The following CMYA5 variants were observed in gnomAD, a reference collection of about 807,000 sequenced individuals.
CMYA5 encodes the protein cardiomyopathy associated 5.
CMYA5 carries 246 observed loss-of-function variants against 318.9 expected under a neutral mutation model. That is an observed-to-expected ratio of 0.77 (90% CI 0.70 to 0.86). The LOEUF (loss-of-function observed/expected upper bound fraction) is 0.86. CMYA5 is among the 40% of genes least tolerant of loss of function. The probability of loss-of-function intolerance (pLI) is 0.00; values close to 1 mark genes in which losing one functional copy is unlikely to be tolerated. For missense variants in CMYA5, 4,589 were observed against 4,678.2 expected, an observed-to-expected ratio of 0.98 and a Z score of 0.56; for synonymous variants, 1,641 against 1,729.5, an observed-to-expected ratio of 0.95 and a Z score of 1.27.
chr5:79,709,960 CAA>C (rs61657639), intron 1 of CMYA5, among the ~76,000 whole-genome samples: 3 of 24,320 alleles, frequency 1.2e-4, no homozygotes, highest in East Asian at 1.9e-3. Flanking sequence ...GACTCCATCT[CAA>C]AAAAAAAAAA....
chr5:79,711,061 G>A (rs987922366), intron 1 of CMYA5, among the ~76,000 whole-genome samples: 1 of 152,172 alleles, frequency 6.6e-6, no homozygotes, highest in African/African-American at 2.4e-5. Flanking sequence ...TTACAAGTCA[G>A]AAATCAAAAG....
chr5:79,765,739 CT>C (rs1828738500), intron 9 of CMYA5, among the ~76,000 whole-genome samples: 1 of 152,074 alleles, frequency 6.6e-6, no homozygotes, highest in Non-Finnish European at 1.5e-5. Flanking sequence ...GTATTTAATT[CT>C]CTTTGTAGCA....
rs572127239 is a variant in CMYA5 at position 79,735,284 on chromosome 5, A to C, written c.6519A>C (p.Lys2173Asn). 1.5e-5 allele frequency: 25 copies of C among 1,613,854 alleles called. No individual in the cohort carries two copies. In the South Asian group the frequency reaches 1.8e-4, roughly 11 times the overall value. Residue 2173 changes from lysine to asparagine, a missense_variant, in exon 2 of 13, where the codon AAA becomes AAC. This residue lies in a region of CMYA5 where 2,431 missense variants were observed against 2,495.1 expected (regional missense o/e 0.97). Transcript: ENST00000446378. Reference protein sequence around the residue: ...KPDLPEEKGKKGISSFKSWMS... With the variant: ...KPDLPEEKGKNGISSFKSWMS... Reference sequence around the variant, plus strand: ...ACCTTCCTGAGGAAAAGGGAAAGAAAGGAATTTCATCTTTCAAATCGTGGA... The same window carrying C: ...ACCTTCCTGAGGAAAAGGGAAAGAACGGAATTTCATCTTTCAAATCGTGGA...
rs1465498720 is a variant in CMYA5, at chr5:79,729,510, C to A, written c.745C>A (p.Pro249Thr). Residue 249 changes from proline (P) to threonine (T), a missense_variant, in exon 2 of 13, where the codon CCA (proline) becomes ACA (threonine). Around this residue, in one of 3 missense-constraint regions of CMYA5, gnomAD observed 2,132 missense variants for 2,131.3 expected, o/e 1.00. Coordinates refer to ENST00000446378, the MANE Select transcript of CMYA5 (RefSeq NM_153610.5). The part of the protein sequence containing the change: ...LIPLQFYGTL[P>T]KGYVIKEIHY... ...TCCTCTACAATTTTATGGAACATTGCCAAAGGGTTATGTAATTAAAGAAAT... is the reference window on the plus strand; with the variant it reads ...TCCTCTACAATTTTATGGAACATTGACAAAGGGTTATGTAATTAAAGAAAT... 4.3e-6 allele frequency: 7 copies of A among 1,610,384 alleles called. No homozygotes were observed. Among genetic ancestry groups the A allele is most frequent in the Non-Finnish European group, 5.9e-6 (7 of 1,177,914 alleles).
chr5:79,789,288 G>T (rs116161122), intron 10 of CMYA5, among the ~76,000 whole-genome samples, 184 bp downstream of exon 10: 1,716 of 152,276 alleles, frequency 0.011, 32 homozygotes, highest in African/African-American at 0.037. Context: ...TGCTTTACAG[G>T]TTCTCAGCCT....
intron 9 of CMYA5, among the ~76,000 whole-genome samples, chr5:79,765,653 T>C (rs1374653166): frequency 6.6e-6 from 1 of 152,124 alleles, no homozygotes; most frequent in African/African-American, 2.4e-5. Context: ...TTTGTGTTCT[T>C]TCTTATTTCT....
chr5:79,709,516 T>C (rs551320431), intron 1 of CMYA5, among the ~76,000 whole-genome samples: 32 of 152,036 alleles, frequency 2.1e-4, no homozygotes, highest in Non-Finnish European at 3.8e-4. Context: ...ATTTTTATAG[T>C]AGTTCTAAGA....
At chr5:79,692,554 T>G (rs570737725) in intron 1 of CMYA5, among the ~76,000 whole-genome samples, 28 of 152,296 alleles carry the variant, frequency 1.8e-4, no homozygotes, top group Middle Eastern at 3.4e-3. Flanking sequence ...ACATGTAACA[T>G]CAAGAGGCCT....
chr5:79,752,887 T>C, intron 6 of CMYA5, 93 bp downstream of exon 6: 1 of 781,372 alleles, frequency 1.3e-6, no homozygotes, highest in South Asian at 1.7e-5. Flanking sequence ...AGATTTTGAG[T>C]GTAAAGACAT....
intron 6 of CMYA5, among the ~76,000 whole-genome samples, chr5:79,755,996 AG>A (rs1274195642): frequency 1.3e-5 from 2 of 152,216 alleles, no homozygotes; most frequent in African/African-American, 2.4e-5. Flanking sequence ...ATAGGATAAA[AG>A]GGGGAGCATT....
intron 3 of CMYA5, among the ~76,000 whole-genome samples, chr5:79,744,567 C>T (rs1443971349): frequency 6.6e-6 from 1 of 152,228 alleles, no homozygotes; most frequent in East Asian, 1.9e-4. Flanking sequence ...CTACTGGGGC[C>T]GCTCCACATG....
At chr5:79,742,912 G>T (rs1218036932) in intron 2 of CMYA5, among the ~76,000 whole-genome samples, 2 of 152,184 alleles carry the variant, frequency 1.3e-5, no homozygotes, top group Admixed American at 6.5e-5. Context: ...TGATGCTTGG[G>T]TGAGCTTTAA....
chr5:79,788,464 GA>G (rs1425573278), intron 9 of CMYA5, among the ~76,000 whole-genome samples: 1 of 118,350 alleles, frequency 8.4e-6, no homozygotes, highest in African/African-American at 3.8e-5. Flanking sequence ...GCAACTTTGA[GA>G]ATTTTTTTTT....
At chr5:79,776,063 A>G (rs1338565879) in intron 9 of CMYA5, among the ~76,000 whole-genome samples, 1 of 152,218 alleles carries the variant, frequency 6.6e-6, no homozygotes, top group African/African-American at 2.4e-5. Flanking sequence ...GGTTGTCAGG[A>G]TTCAGCCCCC....
Position 79,737,576 on chromosome 5 carries a change from A to G in CMYA5, c.8811A>G (p.Ser2937=), listed in dbSNP as rs752666765. The change falls in exon 2 of 13, where the codon TCA becomes TCG. Residue 2937 remains serine (S), a synonymous_variant. Transcript: ENST00000446378. ...FTVTSKPAGL[S]EDQKTAFSII... is the part of the protein sequence containing the mutation. The stretch of plus-strand genomic sequence containing the variant: ...TGACTAGTAAGCCAGCCGGACTTTC[A>G]GAAGATCAGAAGACTGCCTTTAGTA... 2.4e-5 allele frequency: 39 copies of G among 1,613,596 alleles called. No homozygotes were observed. The highest frequency in any genetic ancestry group is 3.1e-5 in the Non-Finnish European group (37 of 1,179,808).
intron 3 of CMYA5, 34 bp downstream of exon 3, chr5:79,743,956 C>A: frequency 1.8e-6 from 2 of 1,098,066 alleles, no homozygotes; most frequent in Non-Finnish European, 2.6e-6. Context: ...CTTAACCTGG[C>A]TTGTTCACAG....
Position 79,729,620 on chromosome 5 carries a change from C to A in CMYA5, c.855C>A (p.Arg285=). 1 of 1,613,778 alleles carries A rather than the reference C, an allele frequency of 6.2e-7. No homozygotes were observed. Among genetic ancestry groups the A allele is most frequent in the Non-Finnish European group, 8.5e-7 (1 of 1,179,790 alleles). Residue 285 remains arginine (R), a synonymous_variant, in exon 2 of 13, where the codon CGC becomes CGA. Coordinates refer to ENST00000446378, the MANE Select transcript of CMYA5 (RefSeq NM_153610.5). ...NSGSNTVSKT[R]KLVAQSIEDK... Reference sequence around the variant, plus strand: ...GTTCTAATACAGTGTCCAAAACACGCAAATTAGTAGCCCAAAGCATAGAGG... The same window carrying A: ...GTTCTAATACAGTGTCCAAAACACGAAAATTAGTAGCCCAAAGCATAGAGG...
At chr5:79,695,153 A>G (rs1827043484) in intron 1 of CMYA5, among the ~76,000 whole-genome samples, 1 of 152,206 alleles carries the variant, frequency 6.6e-6, no homozygotes, top group Non-Finnish European at 1.5e-5. Context: ...AATTTTTTTT[A>G]GTCATTAAAC....
intron 1 of CMYA5, among the ~76,000 whole-genome samples, chr5:79,722,818 T>C (rs1456916138): frequency 6.6e-6 from 1 of 152,014 alleles, no homozygotes; most frequent in Non-Finnish European, 1.5e-5. Flanking sequence ...AGATCCTAAA[T>C]GGATATTATG....
Sources: gnomAD v4.1 joint callset for allele counts (sites outside exome capture counted in the v4.1 genomes callset) on GRCh38, gnomAD v4.1.1 for gene constraint, gnomAD v4.1.1 regional missense constraint, MANE v1.5 for transcripts, NCBI Gene and HGNC (gene_info 2026-07-23, HGNC 2026-07-21) for gene names.